Variants in PLRG1 observed in about 807,000 individuals in gnomAD.
The protein encoded by PLRG1 is pleiotropic regulator 1.
In PLRG1, 28 loss-of-function variants were observed where a neutral mutation model predicts 74.9. That is an observed-to-expected ratio of 0.37 (90% CI 0.28 to 0.51). The LOEUF is 0.51. Ranked by LOEUF, PLRG1 falls within the 20% of genes least tolerant of loss-of-function variation. The pLI, the probability that PLRG1 is intolerant of heterozygous loss-of-function variation, is 0.91. For synonymous variants in PLRG1, 197 were observed against 212.4 expected (o/e 0.93, Z 0.63); for missense variants, 445 against 631.9 (o/e 0.70, Z 3.17).
At chr4:154,549,536 T>C (rs776095847) in intron 1 of PLRG1, 24 of 379,124 alleles carry the variant, frequency 6.3e-5, no homozygotes, top group Admixed American at 2.6e-4. Flanking sequence ...GATGGTGCTT[T>C]GTAGCTGCAA....
chr4:154,546,619 C>A, intron 4 of PLRG1: 1 of 298,020 alleles, frequency 3.4e-6, no homozygotes, highest in South Asian at 4.4e-5. Context: ...TGTCCTCTAC[C>A]CTGTTACACT....
intron 6 of PLRG1, 50 bp from the exon 7 acceptor site, chr4:154,544,596 T>C (rs1459299107): frequency 4.3e-6 from 4 of 931,446 alleles, no homozygotes; most frequent in Middle Eastern, 2.2e-4. Context: ...TACCTAAGGC[T>C]TCATGATATC....
At chr4:154,542,102 C>A in intron 8 of PLRG1, 85 bp downstream of exon 8, 2 of 818,744 alleles carry the variant, frequency 2.4e-6, no homozygotes, top group Non-Finnish European at 2.1e-6. Context: ...ACTGCAATAG[C>A]AATTCCTGCC....
rs140568729 is a variant in PLRG1 at position 154,539,983 on chromosome 4, C to T, written c.1010G>A (p.Arg337Lys). ...AATTTGTGGTTCTGCAGCCTGACAT[C>T]TCACTGTAGCAACTGCATTTGTATG... ...SGHTNAVATV[R>K]CQAAEPQIIT... Residue 337 changes from arginine (R) to lysine (K), a missense_variant, in exon 11 of 15, where the codon AGA (arginine) becomes AAA (lysine). Physicochemically the swap from Arg to Lys is conservative, Grantham distance 26. Transcript: ENST00000499023. 2 of 1,594,116 alleles carry T rather than the reference C, an allele frequency of 1.3e-6. No homozygotes were observed. The highest frequency in any genetic ancestry group is 2.7e-5 in the African/African-American group (2 of 74,530).
At position 154,540,039 on chromosome 4, in the gene PLRG1, T is replaced by C; in HGVS notation, c.954A>G (p.Arg318=). 2 of 1,563,864 alleles carry C rather than the reference T, an allele frequency of 1.3e-6. No homozygotes were observed. Among genetic ancestry groups the C allele is most frequent in the South Asian group, 1.1e-5 (1 of 90,100 alleles). Residue 318 remains arginine, a synonymous_variant, in exon 11 of 15, where the codon AGA becomes AGG. Transcript: ENST00000499023. ...ATAATGTGTGTACACTGGCTTTAGT[T>C]CTCACATCCCAAATCTATAAAAACA... ...RDSTARIWDV[R]TKASVHTLSG...
At position 154,550,333 on chromosome 4, in the gene PLRG1, G is replaced by A. The variant is rs80276344; in HGVS notation, c.-25C>T. On this transcript the variant is annotated 5_prime_UTR_variant, in exon 1 of 15. Transcript: ENST00000499023. ...TGATGCTACCGTGTATCCCACCTCCGGCAGGGAAGAAACTCTAATCACTAA... is the reference window on the plus strand; with the variant it reads ...TGATGCTACCGTGTATCCCACCTCCAGCAGGGAAGAAACTCTAATCACTAA... 6.8e-6 allele frequency: 11 copies of A among 1,611,170 alleles called. No individual in the cohort carries two copies. The highest frequency in any genetic ancestry group is 8.5e-6 in the Non-Finnish European group (10 of 1,177,328).
chr4:154,545,699 C>G lies in PLRG1; in HGVS notation c.492+137G>C. On this transcript the variant is annotated intron_variant, in intron 6 of 14. Coordinates refer to ENST00000499023, the MANE Select transcript of PLRG1 (RefSeq NM_002669.4). The stretch of plus-strand genomic sequence containing the variant: ...TTCCAAAAAATACGTTAATTTACTA[C>G]CAACTTGAGTTTTAGGGCTATGAAA... The G allele has an allele frequency of 9.5e-6, 5 of 525,742 alleles. No homozygotes were observed. The South Asian group carries it at 9.8e-5, about 10-fold the overall frequency. The allele number at this position is 525,742 out of a possible 1,614,324, so 32.6% of individuals were successfully genotyped here.
intron 12 of PLRG1, 140 bp downstream of exon 12, chr4:154,538,965 A>G: frequency 1.7e-6 from 1 of 589,894 alleles, no homozygotes; most frequent in Non-Finnish European, 3.1e-6. Flanking sequence ...AAATAAAAGA[A>G]ACACACGTTC....
chr4:154,545,322 G>A (rs1474281118), intron 6 of PLRG1, among the ~76,000 whole-genome samples: 2 of 151,616 alleles, frequency 1.3e-5, no homozygotes, highest in Non-Finnish European at 2.9e-5. Context: ...ATTTTATTAT[G>A]CTGCAGATAA....
At chr4:154,547,590 G>C (rs1051678807) in intron 3 of PLRG1, 121 bp downstream of exon 3, 1 of 803,446 alleles carries the variant, frequency 1.2e-6, no homozygotes, top group Admixed American at 2.4e-5. Context: ...ATACAGGTAC[G>C]GCCATTAAAT....
At chr4:154,544,797 A>G (rs745320154) in intron 6 of PLRG1, among the ~76,000 whole-genome samples, 33 of 152,238 alleles carry the variant, frequency 2.2e-4, no homozygotes, top group Non-Finnish European at 2.6e-4. Context: ...GCTGTTTGAC[A>G]TTAGGTAACA....
intron 1 of PLRG1, 22 bp from the exon 2 acceptor site, chr4:154,548,957 A>G: frequency 7.9e-7 from 1 of 1,262,606 alleles, no homozygotes; most frequent in Non-Finnish European, 1.2e-6. Flanking sequence ...GAATGTAATT[A>G]CACACCTATC....
chr4:154,547,699 T>C lies in PLRG1; in HGVS notation c.259+12A>G, dbSNP rs764956591. On this transcript the variant is annotated intron_variant, in intron 3 of 14. Coordinates refer to ENST00000499023, the MANE Select transcript of PLRG1 (RefSeq NM_002669.4). ...CATATAAGTCTGACATTTCTGATAATACCATACTCACCTTGATTGGCAGGG... is the reference window on the plus strand; with the variant it reads ...CATATAAGTCTGACATTTCTGATAACACCATACTCACCTTGATTGGCAGGG... 2 of 1,605,940 alleles carry C rather than the reference T, an allele frequency of 1.2e-6. No homozygotes were observed. Among genetic ancestry groups the C allele is most frequent in the Non-Finnish European group, 1.7e-6 (2 of 1,174,096 alleles).
chr4:154,535,575 T>A lies in PLRG1; in HGVS notation c.*1110A>T, dbSNP rs190227524. 11 of 151,550 alleles carry A rather than the reference T, an allele frequency of 7.3e-5. No individual in the cohort carries two copies. The highest frequency in any genetic ancestry group is 2.7e-4 in the African/African-American group (11 of 41,306). The allele number at this position is 151,550 out of a possible 1,614,324, so 9.4% of individuals were successfully genotyped here. A position where few individuals can be genotyped will look rare whatever the true frequency, so the allele number is the denominator to read the frequency against. On this transcript the variant is annotated 3_prime_UTR_variant, in exon 15 of 15. Transcript: ENST00000499023. ...GTGCAATTTTTTAATTTGGAAAATTTAAAAAATTGACTGTTCTTATAACTG... is the reference window on the plus strand; with the variant it reads ...GTGCAATTTTTTAATTTGGAAAATTAAAAAAATTGACTGTTCTTATAACTG...
At chr4:154,539,041 A>G (rs532536701) in intron 12 of PLRG1, 64 bp downstream of exon 12, 1 of 948,150 alleles carries the variant, frequency 1.1e-6, no homozygotes, top group East Asian at 2.4e-5. Context: ...TAACACCACT[A>G]GCATTTCAGC....
Position 154,535,127 on chromosome 4 carries a change from C to T in PLRG1, c.*1558G>A, listed in dbSNP as rs1729421640. The T allele has an allele frequency of 6.6e-6, 1 of 152,014 alleles. No homozygotes were observed. The highest frequency in any genetic ancestry group is 2.4e-5 in the African/African-American group (1 of 41,402). The allele number at this position is 152,014 out of a possible 1,614,324, so 9.4% of individuals were successfully genotyped here. ...ATAATTCTGCTTCCTAACAAAGCCA[C>T]TGTTAGTAATGTGGTGTTACTTATA... On this transcript the variant is annotated 3_prime_UTR_variant, in exon 15 of 15. Coordinates refer to ENST00000499023, the MANE Select transcript of PLRG1 (RefSeq NM_002669.4).
At chr4:154,547,115 G>A (rs1205241715) in intron 3 of PLRG1, 51 bp from the exon 4 acceptor site, 3 of 1,261,628 alleles carry the variant, frequency 2.4e-6, no homozygotes, top group South Asian at 1.2e-5. Context: ...TTATACAAAA[G>A]TTATCATCTC....
rs1134687 is a variant in PLRG1 at position 154,540,868 on chromosome 4, C to T, written c.754G>A (p.Val252Met). The T allele has an allele frequency of 1.5e-5, 25 of 1,612,942 alleles. No individual in the cohort carries two copies. The highest frequency in any genetic ancestry group is 6.6e-5 in the South Asian group (6 of 91,070). ...LTGHISTVRG[V>M]IVSTRSPYLF... is the part of the protein sequence containing the mutation. ...TATGGGCTCCTTGTGCTTACTATCA[C>T]GCCCCGCACAGTACTAATATGCCCA... The change falls in exon 9 of 15, where the codon GTG becomes ATG. Residue 252 changes from valine to methionine, a missense_variant. This residue lies in a region of PLRG1 where 221 missense variants were observed against 377.7 expected (regional missense o/e 0.59). Coordinates refer to ENST00000499023, the MANE Select transcript of PLRG1 (RefSeq NM_002669.4).
intron 13 of PLRG1, 140 bp downstream of exon 13, chr4:154,537,829 T>A: frequency 1.8e-6 from 1 of 541,506 alleles, no homozygotes; most frequent in Admixed American, 3.3e-5. Context: ...ACACACATAA[T>A]AACATGCAAA....
Sources: gnomAD v4.1 joint callset for allele counts (sites outside exome capture counted in the v4.1 genomes callset) on GRCh38, gnomAD v4.1.1 for gene constraint, gnomAD v4.1.1 regional missense constraint, MANE v1.5 for transcripts, NCBI Gene and HGNC (gene_info 2026-07-23, HGNC 2026-07-21) for gene names.